GALNT13: variants seen among roughly 807,000 people sequenced by gnomAD.
The protein encoded by GALNT13 is polypeptide N-acetylgalactosaminyltransferase 13.
Under a neutral mutation model 64.2 loss-of-function variants are expected in GALNT13, and 28 were observed. The observed-to-expected ratio is 0.44, with a 90% CI of 0.32 to 0.60. The LOEUF (loss-of-function observed/expected upper bound fraction) is 0.60. Ranked by LOEUF, GALNT13 falls within the 20% of genes least tolerant of loss-of-function variation. GALNT13 has a pLI of 0.05. For missense variants in GALNT13, 577 were observed against 669.8 expected (o/e 0.86, Z 1.53); for synonymous variants, 214 against 224.6 (o/e 0.95, Z 0.42).
At chr2:153,960,934 G>T (rs6736549) in intron 3 of GALNT13, among the ~76,000 whole-genome samples, 117,164 of 152,100 alleles carry the variant, frequency 0.77, 45,531 homozygotes, top group East Asian at 0.96. Flanking sequence ...AAATTTTTAC[G>T]TTACAAATTA....
chr2:153,788,039 TC>T, the GALNT13 span, among the ~76,000 whole-genome samples: 1 of 152,142 alleles, frequency 6.6e-6, no homozygotes, highest in South Asian at 2.1e-4. Context: ...CATGAGAACT[TC>T]CCGAACCTAG....
chr2:153,792,067 A>C, the GALNT13 span, among the ~76,000 whole-genome samples: 2 of 152,098 alleles, frequency 1.3e-5, no homozygotes, highest in African/African-American at 4.8e-5. Flanking sequence ...CCTAAAATAA[A>C]AGTTAAAACA....
intron 9 of GALNT13, among the ~76,000 whole-genome samples, chr2:154,374,774 C>T (rs921427432): frequency 2.0e-5 from 3 of 152,154 alleles, no homozygotes; most frequent in Non-Finnish European, 4.4e-5. Flanking sequence ...CCAGCTTATA[C>T]TGTACTTTGA....
At chr2:153,654,039 C>A in the GALNT13 span, among the ~76,000 whole-genome samples, 1 of 152,030 alleles carries the variant, frequency 6.6e-6, no homozygotes. Flanking sequence ...ATATTATGCA[C>A]CCTCCTGATA....
the GALNT13 span, among the ~76,000 whole-genome samples, chr2:153,203,560 C>T: frequency 3.3e-5 from 5 of 151,966 alleles, no homozygotes; most frequent in Admixed American, 2.0e-4. Context: ...AGTGATTTTC[C>T]CCATGGAAAA....
the GALNT13 span, among the ~76,000 whole-genome samples, chr2:153,197,977 G>A: frequency 2.6e-5 from 4 of 152,178 alleles, no homozygotes; most frequent in Non-Finnish European, 5.9e-5. Context: ...AGCATCCCTG[G>A]TACACTGTAC....
At chr2:153,768,815 A>G in the GALNT13 span, among the ~76,000 whole-genome samples, 65,795 of 152,064 alleles carry the variant, frequency 0.43, 15,575 homozygotes, top group African/African-American at 0.62. Flanking sequence ...ACAGTGAGCC[A>G]AGATCGCACC....
chr2:153,800,005 G>T, the GALNT13 span, among the ~76,000 whole-genome samples: 1 of 144,240 alleles, frequency 6.9e-6, no homozygotes, highest in Non-Finnish European at 1.5e-5. Context: ...ATTCTATGTT[G>T]CTATCAATTG....
intron 7 of GALNT13, among the ~76,000 whole-genome samples, chr2:154,249,918 C>T (rs1452183984): frequency 6.6e-6 from 1 of 152,020 alleles, no homozygotes; most frequent in Non-Finnish European, 1.5e-5. Context: ...CAAATAACAT[C>T]ATTAGTATCT....
chr2:154,237,912 A>G (rs1002345495), intron 4 of GALNT13, among the ~76,000 whole-genome samples: 1 of 152,028 alleles, frequency 6.6e-6, no homozygotes, highest in African/African-American at 2.4e-5. Context: ...TAAATTTTAT[A>G]TGATTAAACA....
chr2:153,557,020 T>A, the GALNT13 span, among the ~76,000 whole-genome samples: 1 of 152,064 alleles, frequency 6.6e-6, no homozygotes, highest in Non-Finnish European at 1.5e-5. Context: ...ATGTTCCCCA[T>A]CCCCACAAAT....
At chr2:153,700,702 AC>A in the GALNT13 span, among the ~76,000 whole-genome samples, 1 of 151,884 alleles carries the variant, frequency 6.6e-6, no homozygotes, top group African/African-American at 2.4e-5. Flanking sequence ...CCAAAAATAG[AC>A]AAGCAGAGAG....
At chr2:153,196,415 C>T in the GALNT13 span, among the ~76,000 whole-genome samples, 1 of 152,138 alleles carries the variant, frequency 6.6e-6, no homozygotes, top group African/African-American at 2.4e-5. Context: ...CCTGGCTGGG[C>T]AGTGACAGTG....
At chr2:153,933,197 C>A (rs368481991) in intron 2 of GALNT13, among the ~76,000 whole-genome samples, 1 of 152,116 alleles carries the variant, frequency 6.6e-6, no homozygotes, top group African/African-American at 2.4e-5. Flanking sequence ...CCTCAATGAT[C>A]TGTCTAATAC....
the GALNT13 span, among the ~76,000 whole-genome samples, chr2:153,252,602 T>G: frequency 6.6e-6 from 1 of 152,348 alleles, no homozygotes; most frequent in South Asian, 2.1e-4. Flanking sequence ...TTTACGGTTT[T>G]AGGTCTAACC....
At chr2:153,474,898 A>C in the GALNT13 span, among the ~76,000 whole-genome samples, 31 of 126,200 alleles carry the variant, frequency 2.5e-4, no homozygotes, top group Admixed American at 9.4e-4. Flanking sequence ...AAATTTATGT[A>C]TCTAAACTTC....
At chr2:154,318,196 TAAG>T (rs145971523) in intron 9 of GALNT13, among the ~76,000 whole-genome samples, 4,149 of 152,250 alleles carry the variant, frequency 0.027, 187 homozygotes, top group African/African-American at 0.093. Context: ...TTTATGATAA[TAAG>T]AAGTCAAGTT....
At chr2:153,195,053 C>T in the GALNT13 span, among the ~76,000 whole-genome samples, 5 of 152,078 alleles carry the variant, frequency 3.3e-5, no homozygotes, top group South Asian at 1.0e-3. Flanking sequence ...GTTTCTTGGG[C>T]CTTTAGGCAG....
chr2:153,101,137 T>C, the GALNT13 span, among the ~76,000 whole-genome samples: 108 of 152,314 alleles, frequency 7.1e-4, no homozygotes, highest in African/African-American at 2.5e-3. Context: ...TTATGTAAAT[T>C]ATATAATGCA....
Sources: allele counts gnomAD v4.1 joint callset (sites outside exome capture counted in the v4.1 genomes callset), GRCh38; gene constraint gnomAD v4.1.1; transcripts MANE v1.5; gene names NCBI Gene and HGNC (gene_info 2026-07-23, HGNC 2026-07-21).